Variants in OPCML observed in about 807,000 individuals in gnomAD.
OPCML encodes opioid-binding protein/cell adhesion molecule.
In OPCML, 13 loss-of-function variants were observed where a neutral mutation model predicts 37.8. The observed-to-expected ratio is 0.34, with a 90% CI of 0.22 to 0.55. The LOEUF is 0.55. Among genes scored for constraint, OPCML ranks in the 20% least tolerant of loss-of-function variants. OPCML has a pLI of 0.91. For synonymous variants in OPCML, 176 were observed against 168.8 expected, an observed-to-expected ratio of 1.04 and a Z score of -0.33; for missense variants, 341 against 435.6, an observed-to-expected ratio of 0.78 and a Z score of 1.93.
intron 1 of OPCML, among the ~76,000 whole-genome samples, chr11:133,021,988 C>T (rs182102694): frequency 6.6e-6 from 1 of 152,282 alleles, no homozygotes. Flanking sequence ...AAAGTAAAAC[C>T]ATTAAGTTAA....
chr11:133,503,442 G>A (rs1947959856), intron 1 of OPCML, among the ~76,000 whole-genome samples: 1 of 152,160 alleles, frequency 6.6e-6, no homozygotes, highest in Non-Finnish European at 1.5e-5. Flanking sequence ...TGTAAATCCT[G>A]CTAGTCTGTA....
At chr11:132,477,880 T>G (rs60850498) in intron 4 of OPCML, among the ~76,000 whole-genome samples, 11,348 of 152,238 alleles carry the variant, frequency 0.075, 1,271 homozygotes, top group African/African-American at 0.24. Context: ...CTTGTAAAGA[T>G]TTTGATTTAC....
intron 2 of OPCML, among the ~76,000 whole-genome samples, chr11:132,909,037 G>A (rs574345017): frequency 2.2e-4 from 33 of 151,774 alleles, no homozygotes; most frequent in African/African-American, 7.5e-4. Flanking sequence ...GAAGGGCAAG[G>A]GTGCCTCAGA....
At chr11:132,759,112 G>A (rs1946169441) in intron 2 of OPCML, among the ~76,000 whole-genome samples, 1 of 152,122 alleles carries the variant, frequency 6.6e-6, no homozygotes, top group Non-Finnish European at 1.5e-5. Flanking sequence ...TTATTGATTT[G>A]TGTATGTTGA....
intron 4 of OPCML, among the ~76,000 whole-genome samples, chr11:132,464,003 G>T (rs771721707): frequency 6.6e-6 from 1 of 152,182 alleles, no homozygotes; most frequent in African/African-American, 2.4e-5. Flanking sequence ...ACTCCCTGGA[G>T]TTTGAACTAC....
At chr11:132,838,810 G>C (rs989553307) in intron 2 of OPCML, among the ~76,000 whole-genome samples, 1 of 152,148 alleles carries the variant, frequency 6.6e-6, no homozygotes, top group Non-Finnish European at 1.5e-5. Flanking sequence ...CGCCCTATGA[G>C]GAAGCAGCAA....
At chr11:132,498,892 G>C (rs1294349595) in intron 4 of OPCML, among the ~76,000 whole-genome samples, 2 of 151,326 alleles carry the variant, frequency 1.3e-5, no homozygotes, top group Non-Finnish European at 2.9e-5. Flanking sequence ...AAATGTGGTT[G>C]CTCCAAATCT....
intron 4 of OPCML, among the ~76,000 whole-genome samples, chr11:132,472,409 T>C (rs971638168): frequency 6.6e-5 from 10 of 152,186 alleles, no homozygotes; most frequent in Admixed American, 5.9e-4. Flanking sequence ...GGCTTATCCA[T>C]CCCTGTAAAA....
At chr11:133,404,572 C>T (rs1945485225) in intron 1 of OPCML, among the ~76,000 whole-genome samples, 1 of 152,208 alleles carries the variant, frequency 6.6e-6, no homozygotes, top group Non-Finnish European at 1.5e-5. Context: ...CCCAAGGTTA[C>T]ATAGCCAGCC....
At chr11:132,775,478 C>A (rs2001903) in intron 2 of OPCML, among the ~76,000 whole-genome samples, 56,632 of 152,012 alleles carry the variant, frequency 0.37, 10,680 homozygotes, top group Middle Eastern at 0.47. Flanking sequence ...AACACACACA[C>A]ACCAACTCAC....
intron 3 of OPCML, among the ~76,000 whole-genome samples, chr11:132,648,242 T>G (rs1941253940): frequency 6.6e-6 from 1 of 152,208 alleles, no homozygotes; most frequent in African/African-American, 2.4e-5. Flanking sequence ...TATGAACATT[T>G]ACTAATTTGT....
At chr11:132,932,206 A>G (rs1945228383) in intron 2 of OPCML, among the ~76,000 whole-genome samples, 1 of 152,126 alleles carries the variant, frequency 6.6e-6, no homozygotes, top group South Asian at 2.1e-4. Flanking sequence ...GTTTGGGAAG[A>G]AGAAATAAGT....
At chr11:132,478,676 G>T (rs987430813) in intron 4 of OPCML, among the ~76,000 whole-genome samples, 2 of 152,168 alleles carry the variant, frequency 1.3e-5, no homozygotes, top group African/African-American at 4.8e-5. Context: ...GTTGATAACT[G>T]TTGTCTTTAT....
intron 1 of OPCML, among the ~76,000 whole-genome samples, chr11:133,458,872 C>CGTGTGTGTGTATATAT (rs1946791033): frequency 1.8e-5 from 2 of 110,586 alleles, no homozygotes; most frequent in Non-Finnish European, 3.5e-5. Context: ...TATATACACA[C>CGTGTGTGTGTATATAT]ACATACACAC....
chr11:133,227,004 G>T (rs1940066483), intron 1 of OPCML, among the ~76,000 whole-genome samples: 1 of 152,172 alleles, frequency 6.6e-6, no homozygotes, highest in Non-Finnish European at 1.5e-5. Context: ...TTAAATTATT[G>T]CATCTGAGGA....
chr11:132,437,570 T>C, intron 4 of OPCML: 1 of 685,684 alleles, frequency 1.5e-6, no homozygotes, highest in Non-Finnish European at 1.8e-6. Flanking sequence ...TCAATGTATT[T>C]TCAGTCAAGT....
At position 132,578,630 on chromosome 11, in the gene OPCML, G is replaced by C. The variant is rs921833130; in HGVS notation, c.380-49444C>G. Among the ~76,000 whole-genome samples the C allele has an allele frequency of 1.7e-4, 26 of 152,152 alleles. 1 individual carries two copies. Among genetic ancestry groups the C allele is most frequent in the Admixed American group, 1.6e-3 (24 of 15,274 alleles). On this transcript the variant is annotated intron_variant, in intron 3 of 7. Transcript: ENST00000524381. ...CACTAAGCTTACAATGGTTCAGAAT[G>C]TTAAAAATAAAATTGTACCAGTAGC...
intron 2 of OPCML, among the ~76,000 whole-genome samples, chr11:132,781,227 C>T (rs1162535485): frequency 6.6e-6 from 1 of 152,052 alleles, no homozygotes; most frequent in Non-Finnish European, 1.5e-5. Flanking sequence ...GACAAACTCT[C>T]GAATAGGTGG....
intron 1 of OPCML, among the ~76,000 whole-genome samples, chr11:133,527,683 T>TTA (rs1370080235): frequency 6.6e-6 from 1 of 152,200 alleles, no homozygotes; most frequent in African/African-American, 2.4e-5. Flanking sequence ...TGTTTATTTG[T>TTA]TATCATCTAA....
Sources: allele counts gnomAD v4.1 joint callset (sites outside exome capture counted in the v4.1 genomes callset), GRCh38; gene constraint gnomAD v4.1.1; transcripts MANE v1.5; gene names NCBI Gene and HGNC (gene_info 2026-07-23, HGNC 2026-07-21).